Variants in MARCHF10 observed in about 807,000 individuals in gnomAD.
MARCHF10 encodes probable E3 ubiquitin-protein ligase MARCHF10.
Under a neutral mutation model 76.2 loss-of-function variants are expected in MARCHF10, and 64 were observed. That is an observed-to-expected ratio of 0.84 (90% confidence interval 0.69 to 1.03). MARCHF10 has a LOEUF of 1.03. MARCHF10 is among the 50% of genes least tolerant of loss of function. The pLI, the probability that MARCHF10 is intolerant of heterozygous loss-of-function variation, is 0.00. For missense variants in MARCHF10, 875 were observed against 958.0 expected, an observed-to-expected ratio of 0.91 and a Z score of 1.14; for synonymous variants, 340 against 357.5, an observed-to-expected ratio of 0.95 and a Z score of 0.55.
Position 62,784,863 on chromosome 17 carries a change from C to T in MARCHF10, c.210+3617G>A, listed in dbSNP as rs1259287433. Among the ~76,000 whole-genome samples, 8 of 151,990 alleles carry T rather than the reference C, an allele frequency of 5.3e-5. No homozygotes were observed. The South Asian group carries it at 1.2e-3, about 24-fold the overall frequency. ...AGGAGAACTACAAACCACTGTTCAA[C>T]GAAATAAAAGAGGACAAAAACAAAT... On this transcript the variant is annotated intron_variant, in intron 3 of 10. Coordinates refer to ENST00000311269, the MANE Select transcript of MARCHF10 (RefSeq NM_152598.4).
chr17:62,714,102 G>A (rs1365780851), intron 8 of MARCHF10, among the ~76,000 whole-genome samples: 3 of 152,220 alleles, frequency 2.0e-5, no homozygotes, highest in Non-Finnish European at 4.4e-5. Context: ...TCTGTCCTTG[G>A]CTGAGATGGA....
intron 4 of MARCHF10, chr17:62,747,125 C>T (rs1261088786): frequency 1.1e-5 from 7 of 643,390 alleles, no homozygotes; most frequent in South Asian, 7.6e-5. Flanking sequence ...CCAGTCTACA[C>T]GTTGCCTCAT....
intron 3 of MARCHF10, among the ~76,000 whole-genome samples, chr17:62,785,457 T>C (rs570055543): frequency 4.6e-5 from 7 of 152,312 alleles, no homozygotes; most frequent in South Asian, 4.2e-4. Flanking sequence ...ATTTAGGACA[T>C]AGGCATGGGC....
chr17:62,774,142 G>A (rs560007785), intron 3 of MARCHF10, among the ~76,000 whole-genome samples: 16 of 152,310 alleles, frequency 1.1e-4, no homozygotes, highest in East Asian at 3.9e-4. Flanking sequence ...CAGCAGAGCC[G>A]GAAGGTCTGG....
intron 2 of MARCHF10, among the ~76,000 whole-genome samples, chr17:62,795,382 A>AG (rs796751248): frequency 0.029 from 3,289 of 111,922 alleles, 517 homozygotes; most frequent in African/African-American, 0.1. Context: ...AAAAAAAAAA[A>AG]AAGAAGCTAG....
chr17:62,776,621 T>A (rs149172217), intron 3 of MARCHF10, among the ~76,000 whole-genome samples: 1 of 152,348 alleles, frequency 6.6e-6, no homozygotes, highest in Non-Finnish European at 1.5e-5. Context: ...CTGGTCTGCC[T>A]ACAGAGGGGT....
chr17:62,801,925 C>T (rs2093081413), intron 1 of MARCHF10, among the ~76,000 whole-genome samples, 173 bp from the exon 2 acceptor site: 1 of 152,104 alleles, frequency 6.6e-6, no homozygotes, highest in Non-Finnish European at 1.5e-5. Context: ...CTGTTGATGC[C>T]CTTACAGTCC....
In MARCHF10 at chr17:62,736,722, C is replaced by G. The variant is rs1035286424; in HGVS notation, c.1146G>C (p.Arg382Ser). 2 of 1,614,040 alleles carry G rather than the reference C, an allele frequency of 1.2e-6. No homozygotes were observed. Among genetic ancestry groups the G allele is most frequent in the African/African-American group, 2.7e-5 (2 of 74,924 alleles). ...RLSQDPGLPD[R>S]ESATEKDRGG... ...CTCTGTCCTTCTCTGTAGCAGATTC[C>G]CTATCAGGCAGCCCGGGGTCTTGGG... The change falls in exon 6 of 11, where the codon AGG becomes AGC. Residue 382 changes from arginine to serine, a missense_variant. Transcript: ENST00000311269.
chr17:62,762,766 G>A (rs376198520), intron 3 of MARCHF10, among the ~76,000 whole-genome samples: 37 of 152,284 alleles, frequency 2.4e-4, no homozygotes, highest in African/African-American at 8.9e-4. Flanking sequence ...GGCTGGTCTC[G>A]AACCCCTGAG....
chr17:62,732,135 A>C (rs1185092803), intron 6 of MARCHF10, among the ~76,000 whole-genome samples: 5 of 152,244 alleles, frequency 3.3e-5, no homozygotes, highest in African/African-American at 1.2e-4. Flanking sequence ...ACATTAAAGA[A>C]GACACAAACA....
chr17:62,749,084 G>A (rs960234125), intron 4 of MARCHF10, among the ~76,000 whole-genome samples: 1 of 152,164 alleles, frequency 6.6e-6, no homozygotes, highest in African/African-American at 2.4e-5. Context: ...TCTGAGAAAG[G>A]TGATGCCTCC....
intron 4 of MARCHF10, among the ~76,000 whole-genome samples, chr17:62,755,410 C>A (rs2092012135): frequency 6.6e-6 from 1 of 152,192 alleles, no homozygotes; most frequent in South Asian, 2.1e-4. Flanking sequence ...CGGCTCCTCT[C>A]CAACTCAGGG....
intron 4 of MARCHF10, among the ~76,000 whole-genome samples, chr17:62,755,500 C>G (rs1172757205): frequency 6.6e-6 from 1 of 152,280 alleles, no homozygotes; most frequent in East Asian, 1.9e-4. Flanking sequence ...CCTCTGCACT[C>G]GCTGGGCCTG....
At chr17:62,778,696 A>G (rs2148054072) in intron 3 of MARCHF10, among the ~76,000 whole-genome samples, 1 of 152,014 alleles carries the variant, frequency 6.6e-6, no homozygotes, top group Non-Finnish European at 1.5e-5. Flanking sequence ...AAAAAAAAAA[A>G]AAAAAAATCC....
At chr17:62,754,014 C>T (rs1003639729) in intron 4 of MARCHF10, among the ~76,000 whole-genome samples, 24 of 152,138 alleles carry the variant, frequency 1.6e-4, no homozygotes, top group Non-Finnish European at 1.9e-4. Flanking sequence ...ACTGGATAAA[C>T]GGATGACTTC....
rs145490709 is a variant in MARCHF10 at position 62,736,838 on chromosome 17, A to G, written c.1030T>C (p.Ser344Pro). The change falls in exon 6 of 11, where the codon TCA (serine) becomes CCA (proline). Residue 344 changes from serine (S) to proline (P), a missense_variant. Coordinates refer to ENST00000311269, the MANE Select transcript of MARCHF10 (RefSeq NM_152598.4). The stretch of plus-strand genomic sequence containing the variant: ...CCATGACTGGGCTCACTTCTTCTTG[A>G]AGAATGACCTCTGCAATTTTCAGCA... ...ENAENCRGHSSRRSEPSHGSL... is the reference protein window; with the variant it reads ...ENAENCRGHSPRRSEPSHGSL... The G allele has an allele frequency of 3.7e-6, 6 of 1,613,852 alleles. No homozygotes were observed. In the African/African-American group the frequency reaches 8.0e-5, roughly 22 times the overall value.
intron 4 of MARCHF10, among the ~76,000 whole-genome samples, chr17:62,748,644 T>C (rs1304388678): frequency 1.3e-5 from 2 of 152,004 alleles, no homozygotes. Context: ...CATGGGAGGC[T>C]GAGGCAAGAG....
At chr17:62,779,293 G>C (rs1283722275) in intron 3 of MARCHF10, among the ~76,000 whole-genome samples, 1 of 152,162 alleles carries the variant, frequency 6.6e-6, no homozygotes, top group African/African-American at 2.4e-5. Flanking sequence ...GAAGAGGCCC[G>C]ACCCACAAGG....
At chr17:62,781,216 G>T (rs2092652605) in intron 3 of MARCHF10, among the ~76,000 whole-genome samples, 1 of 152,134 alleles carries the variant, frequency 6.6e-6, no homozygotes, top group African/African-American at 2.4e-5. Context: ...TGTGGCCTGG[G>T]ACTGGGCTGA....
Sources: gnomAD v4.1 joint callset for allele counts (sites outside exome capture counted in the v4.1 genomes callset) on GRCh38, gnomAD v4.1.1 for gene constraint, MANE v1.5 for transcripts, NCBI Gene and HGNC (gene_info 2026-07-23, HGNC 2026-07-21) for gene names.